MAPK8IP3: variants seen among roughly 807,000 people sequenced by gnomAD.
MAPK8IP3 encodes C-Jun-amino-terminal kinase-interacting protein 3.
In MAPK8IP3, 49 loss-of-function variants were observed where a neutral mutation model predicts 157.8. The ratio of observed to expected loss-of-function variants is 0.31; its 90% CI spans 0.25 to 0.39. The LOEUF is 0.39. MAPK8IP3 is among the 10% of genes least tolerant of loss of function. MAPK8IP3 has a pLI of 1.00. For missense variants in MAPK8IP3, 1,478 were observed against 1,889.4 expected (o/e 0.78, Z 4.04); for synonymous variants, 897 against 777.7 (o/e 1.15, Z -2.55).
In MAPK8IP3 at chr16:1,738,931, C is replaced by T. The variant is rs112402084; in HGVS notation, c.603-4401C>T. Among the ~76,000 whole-genome samples, 611 of 121,546 alleles carry T rather than the reference C, an allele frequency of 5.0e-3. 9 individuals are homozygous for T. The highest frequency in any genetic ancestry group is 0.02 in the African/African-American group (586 of 29,692). The allele number at this position is 121,546 out of a possible 152,430, so 79.7% of individuals were successfully genotyped here. On this transcript the variant is annotated intron_variant, in intron 4 of 31. Coordinates refer to ENST00000610761, the MANE Select transcript of MAPK8IP3 (RefSeq NM_001318852.2). ...TGTAGCATCCATGTGTGTGAGCGTCCGTGTGAGAGTGTGACCACCCATGTG... is the reference window on the plus strand; with the variant it reads ...TGTAGCATCCATGTGTGTGAGCGTCTGTGTGAGAGTGTGACCACCCATGTG...
chr16:1,758,847 C>T (rs1596758087), intron 9 of MAPK8IP3, 131 bp from the exon 10 acceptor site: 1 of 915,818 alleles, frequency 1.1e-6, no homozygotes, highest in Non-Finnish European at 1.8e-6. Context: ...CCACCCTAAC[C>T]CAGCAGACCC....
rs146034063 is a variant in MAPK8IP3 at position 1,712,794 on chromosome 16, C to T, written c.318+6137C>T. 1.6e-4 allele frequency among the ~76,000 whole-genome samples: 25 copies of T among 152,316 alleles called. No individual in the cohort carries two copies. The East Asian group carries it at 4.1e-3, about 25-fold the overall frequency. On this transcript the variant is annotated intron_variant, in intron 1 of 31. Transcript: ENST00000610761. ...CCTCGGGGTTTATCTGGCTAGTTCC[C>T]GTCTCTGCCGGATTCGCTGGTGTCT...
Position 1,766,521 on chromosome 16 carries a change from TC to T in MAPK8IP3, c.2820-6del, listed in dbSNP as rs774682533. On this transcript the variant is annotated splice_polypyrimidine_tract_variant and splice_region_variant and intron_variant, in intron 22 of 31. Transcript: ENST00000610761. ...TGGCCCCCCCTGGAGCCACCGTTCTTCCTGCAGCGAGAACGGGCCAGAGCCT... is the reference window on the plus strand; with the variant it reads ...TGGCCCCCCCTGGAGCCACCGTTCTTCTGCAGCGAGAACGGGCCAGAGCCT... The T allele has an allele frequency of 6.2e-7, 1 of 1,610,972 alleles. No individual in the cohort carries two copies. Among genetic ancestry groups the T allele is most frequent in the South Asian group, 1.1e-5 (1 of 91,052 alleles).
chr16:1,758,583 TG>T (rs1404795670), intron 9 of MAPK8IP3, among the ~76,000 whole-genome samples: 4 of 152,184 alleles, frequency 2.6e-5, no homozygotes, highest in Admixed American at 6.5e-5. Context: ...GCTCTCTGGC[TG>T]CACAGCAGGA....
At chr16:1,726,827 C>T (rs1261534801) in intron 2 of MAPK8IP3, among the ~76,000 whole-genome samples, 1 of 152,250 alleles carries the variant, frequency 6.6e-6, no homozygotes, top group African/African-American at 2.4e-5. Flanking sequence ...GGGGCTCTGA[C>T]CTCACACAGA....
chr16:1,731,866 A>G (rs973395519), intron 4 of MAPK8IP3, among the ~76,000 whole-genome samples: 23 of 152,180 alleles, frequency 1.5e-4, no homozygotes, highest in South Asian at 4.1e-4. Flanking sequence ...ATACTGCCTC[A>G]AATACTGTGT....
chr16:1,736,335 C>T (rs571179834), intron 4 of MAPK8IP3, among the ~76,000 whole-genome samples: 3 of 62,728 alleles, frequency 4.8e-5, no homozygotes, highest in Admixed American at 6.5e-4. Flanking sequence ...TGTGAGCATC[C>T]GTGTGAGCGT....
At chr16:1,739,162 G>T (rs544569579) in intron 4 of MAPK8IP3, among the ~76,000 whole-genome samples, 1 of 116,570 alleles carries the variant, frequency 8.6e-6, no homozygotes, top group Non-Finnish European at 1.9e-5. Context: ...CCATCCGTGT[G>T]AGTGTGACCA....
chr16:1,758,372 C>A (rs538583833), intron 9 of MAPK8IP3, among the ~76,000 whole-genome samples: 4 of 152,348 alleles, frequency 2.6e-5, no homozygotes, highest in East Asian at 1.9e-4. Context: ...TCCAACCCCC[C>A]CAGCCTGAGG....
chr16:1,759,104 G>C, intron 10 of MAPK8IP3, 109 bp downstream of exon 10: 1 of 1,460,058 alleles, frequency 6.8e-7, no homozygotes, highest in Non-Finnish European at 9.6e-7. Context: ...TGTTGGGGCC[G>C]CCGGGGTCAG....
chr16:1,747,093 G>C lies in MAPK8IP3; in HGVS notation c.812G>C (p.Gly271Ala). 1 of 1,613,858 alleles carries C rather than the reference G, an allele frequency of 6.2e-7. No homozygotes were observed. Among genetic ancestry groups the C allele is most frequent in the Non-Finnish European group, 8.5e-7 (1 of 1,179,902 alleles). Residue 271 changes from glycine (G) to alanine (A), a missense_variant, in exon 6 of 32, where the codon GGC (glycine) becomes GCC (alanine). By Grantham distance (60) the Gly-to-Ala change is moderately conservative. Coordinates refer to ENST00000610761, the MANE Select transcript of MAPK8IP3 (RefSeq NM_001318852.2). ...GCGGCCGCCACACCCAGCACCACAG[G>C]CACCAAGTCCAACACGCCCACATCC... The part of the protein sequence containing the change: ...SSAAATPSTT[G>A]TKSNTPTSSV...
Position 1,766,102 on chromosome 16 carries a change from C to T in MAPK8IP3, c.2589C>T (p.Cys863=), listed in dbSNP as rs776335382. 2.2e-5 allele frequency: 35 copies of T among 1,612,578 alleles called. No homozygotes were observed. The South Asian group carries it at 3.4e-4, about 16-fold the overall frequency. Residue 863 remains cysteine, a synonymous_variant, in exon 21 of 32, where the codon TGC becomes TGT. Coordinates refer to ENST00000610761, the MANE Select transcript of MAPK8IP3 (RefSeq NM_001318852.2). ...GCTGCAACGTGCCGCGGAGCAACTG[C>T]TCCTCCCGAGGGGACACCCCAGTGC... ...ATRCNVPRSN[C]SSRGDTPVLD...
At chr16:1,762,192 C>T (rs1026100033) in intron 13 of MAPK8IP3, among the ~76,000 whole-genome samples, 159 bp from the exon 14 acceptor site, 16 of 152,226 alleles carry the variant, frequency 1.1e-4, no homozygotes, top group Non-Finnish European at 2.1e-4. Context: ...TGTATGGTTC[C>T]CCTCCCCGCT....
Position 1,706,543 on chromosome 16 carries a change from G to T in MAPK8IP3, c.204G>T (p.Ser68=). 1 of 1,613,712 alleles carries T rather than the reference G, an allele frequency of 6.2e-7. No individual in the cohort carries two copies. The highest frequency in any genetic ancestry group is 8.5e-7 in the Non-Finnish European group (1 of 1,179,868). ...TGAACGTGCTGGAGAACCTAGACTCGGTGCTCAGCGAGAACCAGGAGCACG... is the reference window on the plus strand; with the variant it reads ...TGAACGTGCTGGAGAACCTAGACTCTGTGCTCAGCGAGAACCAGGAGCACG... ...LVVNVLENLD[S]VLSENQEHEV... is the part of the protein sequence containing the mutation. The change falls in exon 1 of 32, where the codon TCG becomes TCT. Residue 68 remains serine (S), a synonymous_variant. Transcript: ENST00000610761. The surrounding 1 kb of genome is among the most constrained non-coding windows in gnomAD (Gnocchi z 5.1).
chr16:1,715,612 T>C (rs138164337), intron 1 of MAPK8IP3, among the ~76,000 whole-genome samples: 397 of 152,272 alleles, frequency 2.6e-3, no homozygotes, highest in African/African-American at 9.1e-3. Context: ...AATTGATCGG[T>C]ATTGCACAAG....
At chr16:1,768,019 C>G (rs1376698201) in intron 28 of MAPK8IP3, 50 bp from the exon 29 acceptor site, 2 of 1,610,930 alleles carry the variant, frequency 1.2e-6, no homozygotes, top group Non-Finnish European at 1.7e-6. Flanking sequence ...GCCTTGCTGC[C>G]CCTACGCTGA....
chr16:1,748,443 C>A, intron 7 of MAPK8IP3, 97 bp downstream of exon 7: 1 of 1,222,562 alleles, frequency 8.2e-7, no homozygotes, highest in Non-Finnish European at 1.2e-6. Context: ...CTGGGAGAAC[C>A]ATCAAGGCTG....
intron 12 of MAPK8IP3, 71 bp from the exon 13 acceptor site, chr16:1,761,153 C>T: frequency 8.1e-7 from 1 of 1,233,642 alleles, no homozygotes; most frequent in Non-Finnish European, 1.2e-6. Flanking sequence ...TCGGGGCGGG[C>T]ACTGCCCGCT....
chr16:1,734,324 C>T (rs1359221854), intron 4 of MAPK8IP3, among the ~76,000 whole-genome samples: 1 of 152,230 alleles, frequency 6.6e-6, no homozygotes, highest in African/African-American at 2.4e-5. Flanking sequence ...TGCCTCCCTC[C>T]CTGGCCGGCG....
Sources: allele counts gnomAD v4.1 joint callset (sites outside exome capture counted in the v4.1 genomes callset), GRCh38; gene constraint gnomAD v4.1.1; non-coding constraint Gnocchi (gnomAD v3.1); transcripts MANE v1.5; gene names NCBI Gene and HGNC (gene_info 2026-07-23, HGNC 2026-07-21).